ROBO3: variants seen among roughly 807,000 people sequenced by gnomAD.
ROBO3 encodes the protein roundabout guidance receptor 3, also known as roundabout homolog 3.
In ROBO3, 97 loss-of-function variants were observed where a neutral mutation model predicts 160.5. The observed-to-expected ratio is 0.60, with a 90% CI of 0.51 to 0.72. ROBO3 has a LOEUF of 0.72. ROBO3 is among the 30% of genes least tolerant of loss of function. The pLI, the probability that ROBO3 is intolerant of heterozygous loss-of-function variation, is 0.00. For missense variants in ROBO3, 1,858 were observed against 1,846.5 expected (o/e 1.01, Z -0.11); for synonymous variants, 780 against 746.2 (o/e 1.05, Z -0.74).
intron 12 of ROBO3, 127 bp downstream of exon 12, chr11:124,874,363 G>C: frequency 1.2e-6 from 1 of 853,812 alleles, no homozygotes; most frequent in Non-Finnish European, 1.7e-6. Context: ...TATACTGGTG[G>C]CCCGGCCTGG....
chr11:124,868,576 C>G (rs1389249496), intron 1 of ROBO3: 1 of 652,974 alleles, frequency 1.5e-6, no homozygotes, highest in South Asian at 1.7e-5. Context: ...GATCCCTCTA[C>G]TAACCGGCCT....
rs1449753819 is a variant in ROBO3 at position 124,868,431 on chromosome 11, T to C, written c.161-371T>C. 35 of 559,038 alleles carry C rather than the reference T, an allele frequency of 6.3e-5. No individual in the cohort carries two copies. In the East Asian group the frequency reaches 9.9e-4, roughly 16 times the overall value. The allele number at this position is 559,038 out of a possible 1,614,324, so 34.6% of individuals were successfully genotyped here. A position where few individuals can be genotyped will look rare whatever the true frequency, so the allele number is the denominator to read the frequency against. On this transcript the variant is annotated intron_variant, in intron 1 of 27. Transcript: ENST00000397801. ...ATCCGTGAACCAGTGCAGGTGGAGA[T>C]GGAAACCACTGGGCAGGAGGCGAGG...
In ROBO3 at chr11:124,872,751, C is replaced by A; in HGVS notation, c.1331-133C>A. On this transcript the variant is annotated intron_variant, in intron 8 of 27. Transcript: ENST00000397801. This position sits in a 1 kb window ranked among gnomAD's most constrained non-coding sequence, Gnocchi z 4.3. ...CTGGGCAGAGACTTCAGATGATTATCAAAGCCCCCTCTGATCACCGGAAGT... is the reference window on the plus strand; with the variant it reads ...CTGGGCAGAGACTTCAGATGATTATAAAAGCCCCCTCTGATCACCGGAAGT... The A allele has an allele frequency of 1.1e-6, 1 of 950,620 alleles. No homozygotes were observed. Among genetic ancestry groups the A allele is most frequent in the Non-Finnish European group, 1.5e-6 (1 of 655,156 alleles). The allele number at this position is 950,620 out of a possible 1,614,324, so 58.9% of individuals were successfully genotyped here.
At chr11:124,871,212 A>C in intron 7 of ROBO3, 74 bp downstream of exon 7, 1 of 1,500,074 alleles carries the variant, frequency 6.7e-7, no homozygotes. Context: ...TACATTCTGC[A>C]AACTTCTCTC....
chr11:124,879,489 A>G lies in ROBO3; in HGVS notation c.3710A>G (p.Glu1237Gly). The change falls in exon 25 of 28, where the codon GAG becomes GGG. Residue 1237 changes from glutamate (E) to glycine (G), a missense_variant. Coordinates refer to ENST00000397801, the MANE Select transcript of ROBO3 (RefSeq NM_022370.4). ...APGRTWQGNG[E>G]MTPPLQGPRA... Reference sequence around the variant, plus strand: ...GGCAGAACCTGGCAGGGGAATGGGGAGATGACTCCCCCACTTCAAGGACCC... The same window carrying G: ...GGCAGAACCTGGCAGGGGAATGGGGGGATGACTCCCCCACTTCAAGGACCC... 1.2e-6 allele frequency: 2 copies of G among 1,613,752 alleles called. No homozygotes were observed. Among genetic ancestry groups the G allele is most frequent in the Non-Finnish European group, 1.7e-6 (2 of 1,179,790 alleles).
chr11:124,867,814 C>T (rs939862867), intron 1 of ROBO3, among the ~76,000 whole-genome samples: 1 of 152,018 alleles, frequency 6.6e-6, no homozygotes, highest in Non-Finnish European at 1.5e-5. Flanking sequence ...GGGGGCAGAA[C>T]AGATGCTTGA....
At chr11:124,877,849 G>T (rs1946434779) in intron 20 of ROBO3, 88 bp from the exon 21 acceptor site, 1 of 1,188,524 alleles carries the variant, frequency 8.4e-7, no homozygotes, top group Non-Finnish European at 1.2e-6. Flanking sequence ...GGAAGAAGTT[G>T]ATCCCGTGGG....
At chr11:124,877,207 G>T (rs368291303) in intron 18 of ROBO3, 23 bp downstream of exon 18, 1 of 1,613,340 alleles carries the variant, frequency 6.2e-7, no homozygotes, top group Non-Finnish European at 8.5e-7. Context: ...TGCCCCAGTG[G>T]GGTTCAGACC....
At chr11:124,880,231 C>G (rs1479003393) in intron 26 of ROBO3, among the ~76,000 whole-genome samples, 187 bp from the exon 27 acceptor site, 2 of 152,240 alleles carry the variant, frequency 1.3e-5, no homozygotes, top group Admixed American at 1.3e-4. Flanking sequence ...CCGCAGCGTT[C>G]TGAGCACCCA....
intron 1 of ROBO3, among the ~76,000 whole-genome samples, chr11:124,868,086 A>T (rs568749363): frequency 1.3e-5 from 2 of 152,304 alleles, no homozygotes; most frequent in South Asian, 4.1e-4. Flanking sequence ...AGAATAATCT[A>T]TTGGAAACTA....
rs776648534 is a variant in ROBO3 at position 124,878,025 on chromosome 11, G to A, written c.3075G>A (p.Ala1025=). Residue 1025 remains alanine, a synonymous_variant, in exon 21 of 28, where the codon GCG becomes GCA. Coordinates refer to ENST00000397801, the MANE Select transcript of ROBO3 (RefSeq NM_022370.4). This position sits in a 1 kb window ranked among gnomAD's most constrained non-coding sequence, Gnocchi z 4.3. ...EGPVYSTIDP[A]GEELQTFHGG... ...CTGTCTATAGCACCATTGACCCAGC[G>A]GGGGAGGAGCTGCAGACCTTCCATG... is the stretch of plus-strand genomic sequence containing the variant. The A allele has an allele frequency of 1.2e-6, 2 of 1,612,434 alleles. No homozygotes were observed. The highest frequency in any genetic ancestry group is 1.1e-5 in the South Asian group (1 of 90,774).
intron 7 of ROBO3, 148 bp downstream of exon 7, chr11:124,871,286 G>A (rs1946277562): frequency 2.1e-6 from 2 of 935,910 alleles, no homozygotes; most frequent in Admixed American, 2.9e-5. Context: ...AGAGGATTAA[G>A]TAAGATAATG....
intron 7 of ROBO3, among the ~76,000 whole-genome samples, chr11:124,871,530 G>A (rs1946279907): frequency 6.6e-6 from 1 of 152,190 alleles, no homozygotes. Flanking sequence ...GCTGCTCAGG[G>A]TAGAAAAGTA....
intron 14 of ROBO3, 55 bp from the exon 15 acceptor site, chr11:124,875,509 G>A (rs1816802123): frequency 5.0e-6 from 8 of 1,600,214 alleles, no homozygotes; most frequent in Middle Eastern, 2.0e-4. Flanking sequence ...GGGGCAGGAG[G>A]GGCAGCTTGC....
rs374537906 is a variant in ROBO3, at chr11:124,870,611, C to A, written c.916C>A (p.Arg306=). 7.8e-5 allele frequency: 126 copies of A among 1,613,594 alleles called. No individual in the cohort carries two copies. The highest frequency in any genetic ancestry group is 1.0e-4 in the Non-Finnish European group (120 of 1,179,840). The change falls in exon 6 of 28, where the codon CGG becomes AGG. Residue 306 remains arginine, a synonymous_variant. Transcript: ENST00000397801. ...GELPTGRYEI[R]SDHSLWIGHV... is the part of the protein sequence containing the mutation. The stretch of plus-strand genomic sequence containing the variant: ...TGGGGAGTGGAGCAGGTATGAGATC[C>A]GGAGTGACCACAGCCTTTGGATTGG...
In ROBO3 at chr11:124,881,262, G is replaced by A. The variant is rs1190645990; in HGVS notation, c.*12G>A. The A allele has an allele frequency of 1.9e-6, 3 of 1,602,112 alleles. No individual in the cohort carries two copies. The highest frequency in any genetic ancestry group is 2.6e-6 in the Non-Finnish European group (3 of 1,174,030). Reference sequence around the variant, plus strand: ...AGGAACCAAGATGACCCTTGTTGGGGCATTGAGAATATCATGAGTGCCACG... The same window carrying A: ...AGGAACCAAGATGACCCTTGTTGGGACATTGAGAATATCATGAGTGCCACG... On this transcript the variant is annotated 3_prime_UTR_variant, in exon 28 of 28. Coordinates refer to ENST00000397801, the MANE Select transcript of ROBO3 (RefSeq NM_022370.4).
In ROBO3 at chr11:124,868,729, C is replaced by G. The variant is rs1469999546; in HGVS notation, c.161-73C>G. ...GGAGATGGAACGACCAGAGGATTCT[C>G]TTTCCCTCTGGAGCCTCAATCTCTC... On this transcript the variant is annotated intron_variant, in intron 1 of 27. Coordinates refer to ENST00000397801, the MANE Select transcript of ROBO3 (RefSeq NM_022370.4). 5.6e-6 allele frequency: 8 copies of G among 1,422,676 alleles called. No homozygotes were observed. In the African/African-American group the frequency reaches 7.1e-5, roughly 13 times the overall value. The allele number at this position is 1,422,676 out of a possible 1,614,324, so 88.1% of individuals were successfully genotyped here.
chr11:124,870,212 G>C lies in ROBO3; in HGVS notation c.814G>C (p.Asp272His). The stretch of plus-strand genomic sequence containing the variant: ...ACCAGTGAATCAGGTGGTCCTGGCT[G>C]ATGCCCCTGTGACTTTCCTATGTGA... ...RRPVNQVVLA[D>H]APVTFLCEVK... The change falls in exon 5 of 28, where the codon GAT (aspartate) becomes CAT (histidine). Residue 272 changes from aspartate (D) to histidine (H), a missense_variant. Physicochemically the swap from Asp to His is moderately conservative, Grantham distance 81. Coordinates refer to ENST00000397801, the MANE Select transcript of ROBO3 (RefSeq NM_022370.4). 1.2e-6 allele frequency: 2 copies of C among 1,614,068 alleles called. No homozygotes were observed. The highest frequency in any genetic ancestry group is 1.7e-6 in the Non-Finnish European group (2 of 1,179,898).
In ROBO3 at chr11:124,875,575, C is replaced by A; in HGVS notation, c.2311C>A (p.Pro771Thr). 1 of 1,611,692 alleles carries A rather than the reference C, an allele frequency of 6.2e-7. No individual in the cohort carries two copies. Among genetic ancestry groups the A allele is most frequent in the Non-Finnish European group, 8.5e-7 (1 of 1,179,020 alleles). The change falls in exon 15 of 28, where the codon CCC becomes ACC. Residue 771 changes from proline (P) to threonine (T), a missense_variant. Coordinates refer to ENST00000397801, the MANE Select transcript of ROBO3 (RefSeq NM_022370.4). ...RSIPEEAPSG[P>T]PQGVAVALGG... Reference sequence around the variant, plus strand: ...CCACCCTGGCCCAGCCCCCAGTGGCCCCCCACAGGGAGTGGCGGTGGCCTT... The same window carrying A: ...CCACCCTGGCCCAGCCCCCAGTGGCACCCCACAGGGAGTGGCGGTGGCCTT...
Sources: allele counts gnomAD v4.1 joint callset (sites outside exome capture counted in the v4.1 genomes callset), GRCh38; gene constraint gnomAD v4.1.1; non-coding constraint Gnocchi (gnomAD v3.1); transcripts MANE v1.5; gene names NCBI Gene and HGNC (gene_info 2026-07-23, HGNC 2026-07-21).